Variants in ADGRL4 observed in about 807,000 individuals in gnomAD.
ADGRL4 encodes the protein adhesion G protein-coupled receptor L4, also known as EGF, latrophilin and seven transmembrane domain containing 1.
In ADGRL4, 90 loss-of-function variants were observed where a neutral mutation model predicts 74.8. The ratio of observed to expected loss-of-function variants is 1.20; its 90% confidence interval spans 1.02 to 1.43. The LOEUF (loss-of-function observed/expected upper bound fraction) is 1.43, where lower values mean the gene tolerates loss of function less well. Ranked by LOEUF, ADGRL4 falls within the 40% of genes most tolerant of loss-of-function variation. The pLI is 0.00. For synonymous variants in ADGRL4, 311 were observed against 279.2 expected (o/e 1.11, Z -1.14); for missense variants, 881 against 814.3 (o/e 1.08, Z -1.00).
intron 10 of ADGRL4, among the ~76,000 whole-genome samples, chr1:78,919,706 A>C (rs1648955831): frequency 6.6e-6 from 1 of 151,922 alleles, no homozygotes; most frequent in African/African-American, 2.4e-5. Context: ...TACAATATGA[A>C]ACCTTTTGGG....
chr1:78,996,233 G>A (rs145660559), intron 2 of ADGRL4, among the ~76,000 whole-genome samples: 3 of 152,146 alleles, frequency 2.0e-5, no homozygotes, highest in Non-Finnish European at 4.4e-5. Flanking sequence ...TCATCCTCCT[G>A]ATAACAGTCA....
chr1:78,963,183 A>G (rs754022880), intron 2 of ADGRL4, among the ~76,000 whole-genome samples: 22 of 152,334 alleles, frequency 1.4e-4, no homozygotes, highest in Middle Eastern at 3.4e-3. Context: ...ACCCAGGTAT[A>G]AATATGTCAA....
At chr1:78,921,119 G>A (rs1311642095) in intron 9 of ADGRL4, among the ~76,000 whole-genome samples, 1 of 151,700 alleles carries the variant, frequency 6.6e-6, no homozygotes, top group Non-Finnish European at 1.5e-5. Flanking sequence ...TAAGATAAAT[G>A]TCATGAAACT....
chr1:78,903,005 A>G (rs1648550033), intron 12 of ADGRL4, among the ~76,000 whole-genome samples: 1 of 152,138 alleles, frequency 6.6e-6, no homozygotes, highest in African/African-American at 2.4e-5. Context: ...AAAAAAATAT[A>G]AATTGGGGTA....
intron 2 of ADGRL4, among the ~76,000 whole-genome samples, chr1:78,981,092 T>C (rs1163425982): frequency 6.6e-6 from 1 of 151,868 alleles, no homozygotes; most frequent in Admixed American, 6.6e-5. Context: ...CTCAGAATTT[T>C]TGTGAAAGAC....
At chr1:78,933,893 AAGG>A (rs1312621289) in intron 7 of ADGRL4, among the ~76,000 whole-genome samples, 1 of 152,168 alleles carries the variant, frequency 6.6e-6, no homozygotes, top group Non-Finnish European at 1.5e-5. Context: ...GGACCTCTTC[AAGG>A]AGAAGTACAA....
At chr1:78,907,361 A>T (rs1385097586) in intron 12 of ADGRL4, among the ~76,000 whole-genome samples, 2 of 151,974 alleles carry the variant, frequency 1.3e-5, no homozygotes, top group Non-Finnish European at 2.9e-5. Flanking sequence ...GTAACTTTTC[A>T]TGGCGCATCA....
intron 2 of ADGRL4, among the ~76,000 whole-genome samples, chr1:78,976,589 A>T (rs901841844): frequency 1.3e-5 from 2 of 151,774 alleles, no homozygotes; most frequent in Non-Finnish European, 2.9e-5. Context: ...TTAAATAATT[A>T]TATATACATA....
At chr1:78,968,324 A>T (rs1250254660) in intron 2 of ADGRL4, among the ~76,000 whole-genome samples, 1 of 152,116 alleles carries the variant, frequency 6.6e-6, no homozygotes, top group African/African-American at 2.4e-5. Flanking sequence ...GGTTTGCATA[A>T]GCTGCAGTAA....
intron 2 of ADGRL4, among the ~76,000 whole-genome samples, chr1:78,995,767 C>A (rs904269370): frequency 2.6e-5 from 4 of 152,220 alleles, no homozygotes; most frequent in African/African-American, 9.6e-5. Flanking sequence ...TTAGTCCAAT[C>A]TGCTCATTTT....
intron 2 of ADGRL4, among the ~76,000 whole-genome samples, chr1:78,987,888 T>C (rs781589214): frequency 7.2e-5 from 11 of 151,756 alleles, no homozygotes; most frequent in Non-Finnish European, 1.5e-4. Context: ...TTCAATCTTA[T>C]TGCTCTATTG....
At chr1:78,982,989 C>T (rs1650425835) in intron 2 of ADGRL4, among the ~76,000 whole-genome samples, 2 of 151,734 alleles carry the variant, frequency 1.3e-5, no homozygotes, top group South Asian at 4.1e-4. Context: ...TGGTTTTGGC[C>T]TAGGCTACGG....
At position 78,921,699 on chromosome 1, in the gene ADGRL4, G is replaced by C; in HGVS notation, c.1171C>G (p.Leu391Val). 1 of 1,603,746 alleles carries C rather than the reference G, an allele frequency of 6.2e-7. No homozygotes were observed. Among genetic ancestry groups the C allele is most frequent in the Non-Finnish European group, 8.5e-7 (1 of 1,175,036 alleles). Residue 391 changes from leucine to valine, a missense_variant, in exon 9 of 15, where the codon CTG (leucine) becomes GTG (valine). Coordinates refer to ENST00000370742, the MANE Select transcript of ADGRL4 (RefSeq NM_022159.4). ...GTGTGGGTCTCATTTGAGTATGTCA[G>C]CTCACAGCCCTCTGAAGACCAGCTG... ...NGSWSSEGCE[L>V]TYSNETHTSC...
chr1:78,955,316 C>T (rs1025674345), intron 2 of ADGRL4, among the ~76,000 whole-genome samples: 4 of 152,058 alleles, frequency 2.6e-5, no homozygotes, highest in Non-Finnish European at 4.4e-5. Flanking sequence ...AGGCTTTTAA[C>T]AATTATCAAC....
Position 78,937,879 on chromosome 1 carries a change from C to T in ADGRL4, c.688G>A (p.Glu230Lys). 1 of 1,613,978 alleles carries T rather than the reference C, an allele frequency of 6.2e-7. No individual in the cohort carries two copies. Among genetic ancestry groups the T allele is most frequent in the South Asian group, 1.1e-5 (1 of 91,074 alleles). Residue 230 changes from glutamate (E) to lysine (K), a missense_variant, in exon 6 of 15, where the codon GAA (glutamate) becomes AAA (lysine). Physicochemically the swap from Glu to Lys is moderately conservative, Grantham distance 56. Transcript: ENST00000370742. ...TGGGATATCCTTAAAGTAGCTTGTTCAACAGTGTGCATGAGTTTTGTAAGA... is the reference window on the plus strand; with the variant it reads ...TGGGATATCCTTAAAGTAGCTTGTTTAACAGTGTGCATGAGTTTTGTAAGA... ...THLTKLMHTV[E>K]QATLRISQSF...
At chr1:78,980,144 C>A (rs745941269) in intron 2 of ADGRL4, among the ~76,000 whole-genome samples, 1 of 151,780 alleles carries the variant, frequency 6.6e-6, no homozygotes, top group South Asian at 2.1e-4. Context: ...TGCACTCACA[C>A]GCAGATAAGA....
intron 2 of ADGRL4, among the ~76,000 whole-genome samples, chr1:78,993,290 A>C (rs1433615985): frequency 6.6e-6 from 1 of 152,152 alleles, no homozygotes; most frequent in Non-Finnish European, 1.5e-5. Context: ...CATGATAATA[A>C]ACAAAATAAA....
intron 2 of ADGRL4, among the ~76,000 whole-genome samples, chr1:78,972,070 A>T (rs545392643): frequency 2.6e-5 from 4 of 152,320 alleles, no homozygotes; most frequent in Admixed American, 2.6e-4. Context: ...TATTTTAAGG[A>T]TTAAAAAACC....
chr1:78,932,256 C>T (rs1262761826), intron 7 of ADGRL4, among the ~76,000 whole-genome samples: 1 of 151,330 alleles, frequency 6.6e-6, no homozygotes, highest in African/African-American at 2.5e-5. Flanking sequence ...AATTAGAATG[C>T]AGGAATAAGA....
Sources: gnomAD v4.1 joint callset for allele counts (sites outside exome capture counted in the v4.1 genomes callset) on GRCh38, gnomAD v4.1.1 for gene constraint, MANE v1.5 for transcripts, NCBI Gene and HGNC (gene_info 2026-07-23, HGNC 2026-07-21) for gene names.